Variants in EIF2AK1 observed in about 807,000 individuals in gnomAD.
The protein encoded by EIF2AK1 is eukaryotic translation initiation factor 2 alpha kinase 1.
Under a neutral mutation model 77.9 loss-of-function variants are expected in EIF2AK1, and 54 were observed. The ratio of observed to expected loss-of-function variants is 0.69; its 90% CI spans 0.56 to 0.87. EIF2AK1 has a LOEUF of 0.87. Among genes scored for constraint, EIF2AK1 ranks in the 40% least tolerant of loss-of-function variants. EIF2AK1 has a pLI of 0.00. For synonymous variants in EIF2AK1, 314 were observed against 290.5 expected (o/e 1.08, Z -0.82); for missense variants, 810 against 768.6 (o/e 1.05, Z -0.64).
chr7:6,048,289 G>A (rs1446363500), intron 4 of EIF2AK1, among the ~76,000 whole-genome samples: 1 of 151,986 alleles, frequency 6.6e-6, no homozygotes, highest in Non-Finnish European at 1.5e-5. Context: ...CGTCTCTATG[G>A]ATTCACCTAC....
chr7:6,030,498 A>T (rs1422748794), intron 11 of EIF2AK1, among the ~76,000 whole-genome samples: 1 of 152,014 alleles, frequency 6.6e-6, no homozygotes, highest in Non-Finnish European at 1.5e-5. Flanking sequence ...CGCACTACGA[A>T]AAAACTGATT....
At chr7:6,025,211 T>G (rs559067663) in intron 14 of EIF2AK1, among the ~76,000 whole-genome samples, 2 of 152,174 alleles carry the variant, frequency 1.3e-5, no homozygotes, top group Non-Finnish European at 2.9e-5. Context: ...ATAACTATGG[T>G]CTCTAATAGC....
chr7:6,035,280 G>A lies in EIF2AK1; in HGVS notation c.1332+2144C>T, dbSNP rs915984613. 2.6e-5 allele frequency among the ~76,000 whole-genome samples: 4 copies of A among 152,096 alleles called. No individual in the cohort carries two copies. The highest frequency in any genetic ancestry group is 9.7e-5 in the African/African-American group (4 of 41,418). On this transcript the variant is annotated intron_variant, in intron 11 of 14. Coordinates refer to ENST00000199389, the MANE Select transcript of EIF2AK1 (RefSeq NM_014413.4). The surrounding 1 kb of genome is among the most constrained non-coding windows in gnomAD (Gnocchi z 5.5). ...CCACCACATCCCACGAAAAACCCTG[G>A]GATAGCCTGAGAAACTACCCAGCGA...
Position 6,031,965 on chromosome 7 carries a change from G to A in EIF2AK1, c.1333-2933C>T, listed in dbSNP as rs181349132. Among the ~76,000 whole-genome samples the A allele has an allele frequency of 6.2e-4, 94 of 152,314 alleles. 2 individuals carry two copies. The East Asian group carries it at 7.5e-3, about 12-fold the overall frequency. On this transcript the variant is annotated intron_variant, in intron 11 of 14. Coordinates refer to ENST00000199389, the MANE Select transcript of EIF2AK1 (RefSeq NM_014413.4). ...GAGGTGGGTGGATCACCTGAGGTCAGGAGTTCGAGACCAGCCTGGCCAGCA... is the reference window on the plus strand; with the variant it reads ...GAGGTGGGTGGATCACCTGAGGTCAAGAGTTCGAGACCAGCCTGGCCAGCA...
chr7:6,050,109 G>A (rs1193948648), intron 2 of EIF2AK1, 64 bp from the exon 3 acceptor site: 18 of 1,359,354 alleles, frequency 1.3e-5, no homozygotes, highest in East Asian at 4.9e-5. Context: ...ATTTTAAAGT[G>A]TACACAGAGA....
intron 2 of EIF2AK1, 109 bp downstream of exon 2, chr7:6,054,437 C>T (rs1275689710): frequency 3.3e-6 from 4 of 1,218,218 alleles, no homozygotes; most frequent in Non-Finnish European, 3.5e-6. Context: ...CTCCGGACCT[C>T]GGGTGATCCG....
intron 12 of EIF2AK1, 32 bp downstream of exon 12, chr7:6,028,886 G>A: frequency 6.4e-7 from 1 of 1,555,048 alleles, no homozygotes; most frequent in Non-Finnish European, 8.8e-7. Context: ...TTTTGCTTAT[G>A]CAAAGAAAAC....
rs771007640 is a variant in EIF2AK1 at position 6,023,761 on chromosome 7, G to A, written c.*912C>T. 1.2e-6 allele frequency: 2 copies of A among 1,610,580 alleles called. No homozygotes were observed. The highest frequency in any genetic ancestry group is 3.4e-5 in the Admixed American group (2 of 59,530). On this transcript the variant is annotated 3_prime_UTR_variant, in exon 15 of 15. Coordinates refer to ENST00000199389, the MANE Select transcript of EIF2AK1 (RefSeq NM_014413.4). ...CTCTTTCATGCCTATTATCAGTAAG[G>A]GGACTTGTATTAGAGTCAGAGTCTT...
rs779591426 is a variant in EIF2AK1, at chr7:6,024,104, A to T, written c.*569T>A. ...AGCTTTGCAAGGGTGTGGTTTTGGA[A>T]TGACGCTAAACTGAAGGTGGAGAGA... On this transcript the variant is annotated 3_prime_UTR_variant, in exon 15 of 15. Coordinates refer to ENST00000199389, the MANE Select transcript of EIF2AK1 (RefSeq NM_014413.4). 6.2e-6 allele frequency: 8 copies of T among 1,297,832 alleles called. No individual in the cohort carries two copies. The highest frequency in any genetic ancestry group is 1.5e-5 in the African/African-American group (1 of 66,336). The allele number at this position is 1,297,832 out of a possible 1,614,324, so 80.4% of individuals were successfully genotyped here.
In EIF2AK1 at chr7:6,026,962, C is replaced by A; in HGVS notation, c.1531-1G>T. ...CCACACCCAAGCTGTACATATCTGA[C>A]TGGAAAAAGAAAAAAAGGGGAACTC... On this transcript the variant is annotated splice_acceptor_variant, in intron 13 of 14. Coordinates refer to ENST00000199389, the MANE Select transcript of EIF2AK1 (RefSeq NM_014413.4). LOFTEE classifies it high-confidence loss of function. 3 of 1,604,472 alleles carry A rather than the reference C, an allele frequency of 1.9e-6. No individual in the cohort carries two copies. Among genetic ancestry groups the A allele is most frequent in the Admixed American group, 3.5e-5 (2 of 57,640 alleles).
At chr7:6,048,247 C>T (rs1788501248) in intron 4 of EIF2AK1, among the ~76,000 whole-genome samples, 1 of 152,176 alleles carries the variant, frequency 6.6e-6, no homozygotes, top group Non-Finnish European at 1.5e-5. Context: ...CCCCATCCTT[C>T]CCTTACCCCA....
rs772150510 is a variant in EIF2AK1 at position 6,044,584 on chromosome 7, A to G, written c.708T>C (p.His236=). 6 of 1,613,878 alleles carry G rather than the reference A, an allele frequency of 3.7e-6. No individual in the cohort carries two copies. The African/African-American group carries it at 4.0e-5, about 11-fold the overall frequency. The change falls in exon 7 of 15, where the codon CAT becomes CAC. Residue 236 remains histidine, a synonymous_variant. Coordinates refer to ENST00000199389, the MANE Select transcript of EIF2AK1 (RefSeq NM_014413.4). The stretch of plus-strand genomic sequence containing the variant: ...TACCTCGTGGCTGAATCACATGAAC[A>G]TGTTCTATCCACGCGGTGTGATAGC... ...IVGYHTAWIE[H]VHVIQPRADR...
In EIF2AK1 at chr7:6,032,778, C is replaced by T; in HGVS notation, c.1333-3746G>A. The T allele has an allele frequency of 7.2e-7, 1 of 1,385,132 alleles. No individual in the cohort carries two copies. Among genetic ancestry groups the T allele is most frequent in the Admixed American group, 2.0e-5 (1 of 49,172 alleles). 85.8% of individuals were successfully genotyped at this position (1,385,132 alleles called of 1,614,324 possible). ...TATTGCCTTTGAAACGGCAAGCTAA[C>T]ACAAACAGTATTTTTAACTACACAG... On this transcript the variant is annotated intron_variant, in intron 11 of 14. Coordinates refer to ENST00000199389, the MANE Select transcript of EIF2AK1 (RefSeq NM_014413.4). This position sits in a 1 kb window ranked among gnomAD's most constrained non-coding sequence, Gnocchi z 4.3.
chr7:6,029,542 C>T (rs977604345), intron 11 of EIF2AK1, among the ~76,000 whole-genome samples: 3 of 151,638 alleles, frequency 2.0e-5, no homozygotes, highest in South Asian at 2.1e-4. Flanking sequence ...CCAGCTGCAT[C>T]AGAACTCCTG....
chr7:6,024,241 A>G lies in EIF2AK1; in HGVS notation c.*432T>C. On this transcript the variant is annotated 3_prime_UTR_variant, in exon 15 of 15. Transcript: ENST00000199389. The stretch of plus-strand genomic sequence containing the variant: ...GGAATGAAATGATGAGGCGTCCTTC[A>G]GGTAATGAACTTCAGCTGCAGTGTG... The G allele has an allele frequency of 3.3e-6, 4 of 1,219,274 alleles. No individual in the cohort carries two copies. In the South Asian group the frequency reaches 5.9e-5, roughly 18 times the overall value. The allele number at this position is 1,219,274 out of a possible 1,614,324, so 75.5% of individuals were successfully genotyped here.
intron 14 of EIF2AK1, among the ~76,000 whole-genome samples, chr7:6,025,930 C>G (rs572640080): frequency 6.6e-6 from 1 of 152,120 alleles, no homozygotes; most frequent in Non-Finnish European, 1.5e-5. Context: ...TGAGCCACCC[C>G]GCCTGGCCAG....
At chr7:6,034,044 G>T (rs998226560) in intron 11 of EIF2AK1, among the ~76,000 whole-genome samples, 4 of 151,370 alleles carry the variant, frequency 2.6e-5, no homozygotes, top group African/African-American at 9.7e-5. Context: ...TAGGCCGGGC[G>T]CGGTGGCTCA....
chr7:6,051,240 TAC>T (rs1788599755), intron 2 of EIF2AK1, among the ~76,000 whole-genome samples: 2 of 151,472 alleles, frequency 1.3e-5, no homozygotes, highest in African/African-American at 4.8e-5. Context: ...ATTCAACAAA[TAC>T]AGATACCAAT....
At chr7:6,028,304 T>C (rs1195453398) in intron 13 of EIF2AK1, among the ~76,000 whole-genome samples, 1 of 151,288 alleles carries the variant, frequency 6.6e-6, no homozygotes, top group Non-Finnish European at 1.5e-5. Flanking sequence ...CAGGATGGAG[T>C]GCAATGGTGC....
Sources: allele counts gnomAD v4.1 joint callset (sites outside exome capture counted in the v4.1 genomes callset), GRCh38; gene constraint gnomAD v4.1.1; non-coding constraint Gnocchi (gnomAD v3.1); transcripts MANE v1.5; gene names NCBI Gene and HGNC (gene_info 2026-07-23, HGNC 2026-07-21).